NGLY1: variants seen among roughly 807,000 people sequenced by gnomAD.
The protein encoded by NGLY1 is N-glycanase 1, also known as peptide-N(4)-(N-acetyl-beta-glucosaminyl)asparagine amidase.
Under a neutral mutation model 84.6 loss-of-function variants are expected in NGLY1, and 68 were observed. That is an observed-to-expected ratio of 0.80 (90% CI 0.66 to 0.98). The LOEUF (loss-of-function observed/expected upper bound fraction) is 0.98, where lower values mean the gene tolerates loss of function less well. Ranked by LOEUF, NGLY1 falls within the 50% of genes least tolerant of loss-of-function variation. NGLY1 has a pLI of 0.00. For synonymous variants in NGLY1, 280 were observed against 275.2 expected (o/e 1.02, Z -0.17); for missense variants, 779 against 770.2 (o/e 1.01, Z -0.14).
rs376008228 is a variant in NGLY1 at position 25,783,433 on chromosome 3, C to A, written c.-43G>T. ...CGCCGCCGCCGCCCCTCGCTCTCCG[C>A]GTCCCACACTGAGCAGGCGCCTCAG... On this transcript the variant is annotated 5_prime_UTR_variant, in exon 1 of 12. Transcript: ENST00000280700. The surrounding 1 kb of genome is among the most constrained non-coding windows in gnomAD (Gnocchi z 4.5). 1 of 1,498,484 alleles carries A rather than the reference C, an allele frequency of 6.7e-7. No homozygotes were observed. Among genetic ancestry groups the A allele is most frequent in the African/African-American group, 1.5e-5 (1 of 67,132 alleles). 92.8% of individuals were successfully genotyped at this position (1,498,484 alleles called of 1,614,324 possible). A position where few individuals can be genotyped will look rare whatever the true frequency, so the allele number is the denominator to read the frequency against.
chr3:25,747,028 G>T (rs1706471865), intron 4 of NGLY1, among the ~76,000 whole-genome samples: 2 of 152,094 alleles, frequency 1.3e-5, no homozygotes, highest in Non-Finnish European at 2.9e-5. Context: ...TACAGACGGG[G>T]TTTCACCATG....
intron 11 of NGLY1, 30 bp from the exon 12 acceptor site, chr3:25,719,665 T>C (rs1315869847): frequency 6.3e-7 from 1 of 1,578,588 alleles, no homozygotes; most frequent in East Asian, 2.2e-5. Context: ...AATTAACATT[T>C]TGCTTTTGGT....
chr3:25,737,346 A>G lies in NGLY1; in HGVS notation c.991T>C (p.Trp331Arg). ...CCACATTCTGTACCTGTGTAATCCC[A>G]AACATAGCGAGCTTCAAACCCTACA... is the stretch of plus-strand genomic sequence containing the variant. Reference protein sequence around the residue: ...RAVGFEARYVWDYTDHVWTEV... With the variant: ...RAVGFEARYVRDYTDHVWTEV... Residue 331 changes from tryptophan to arginine, a missense_variant, in exon 6 of 12, where the codon TGG becomes CGG. Physicochemically the swap from Trp to Arg is moderately radical, Grantham distance 101. Transcript: ENST00000280700. The G allele has an allele frequency of 6.2e-7, 1 of 1,612,170 alleles. No individual in the cohort carries two copies. The highest frequency in any genetic ancestry group is 8.5e-7 in the Non-Finnish European group (1 of 1,179,474).
chr3:25,787,564 AT>A (rs1409076697), upstream of NGLY1, among the ~76,000 whole-genome samples: 1 of 152,172 alleles, frequency 6.6e-6, no homozygotes, highest in Non-Finnish European at 1.5e-5. Flanking sequence ...TAAGTTAAAT[AT>A]TTTAAGTGGC....
intron 4 of NGLY1, among the ~76,000 whole-genome samples, chr3:25,740,462 G>C (rs1706078944): frequency 6.6e-6 from 1 of 152,106 alleles, no homozygotes; most frequent in South Asian, 2.1e-4. Context: ...TGGCAAGAAG[G>C]GAAGGAGAGG....
intron 10 of NGLY1, 49 bp from the exon 11 acceptor site, chr3:25,720,240 T>C (rs780285077): frequency 9.5e-6 from 14 of 1,478,600 alleles, no homozygotes; most frequent in Non-Finnish European, 1.2e-5. Context: ...AAAAATGAAA[T>C]AGTATAGAAA....
chr3:25,761,508 T>C (rs1243504734), intron 3 of NGLY1, among the ~76,000 whole-genome samples: 4 of 152,146 alleles, frequency 2.6e-5, no homozygotes, highest in Admixed American at 6.5e-5. Context: ...AAAACCAAAA[T>C]GAACTACTAC....
At chr3:25,768,174 G>A (rs1241864162) in intron 2 of NGLY1, among the ~76,000 whole-genome samples, 4 of 143,614 alleles carry the variant, frequency 2.8e-5, no homozygotes, top group African/African-American at 1.0e-4. Flanking sequence ...TGTAATCCCA[G>A]AACTTTGGGA....
At chr3:25,771,199 T>C (rs1255266506) in intron 2 of NGLY1, among the ~76,000 whole-genome samples, 4 of 152,230 alleles carry the variant, frequency 2.6e-5, no homozygotes. Flanking sequence ...AAGTCTTTCA[T>C]ACAGCTCCAG....
upstream of NGLY1, among the ~76,000 whole-genome samples, chr3:25,786,777 A>G (rs1187414851): frequency 6.6e-6 from 1 of 152,258 alleles, no homozygotes; most frequent in African/African-American, 2.4e-5. Flanking sequence ...TGGACTGTAC[A>G]TTGTTATCAC....
chr3:25,724,557 G>C (rs1164988649), intron 10 of NGLY1, among the ~76,000 whole-genome samples: 1 of 152,042 alleles, frequency 6.6e-6, no homozygotes, highest in Non-Finnish European at 1.5e-5. Flanking sequence ...ATTTGTAATA[G>C]GAAACTTTCA....
chr3:25,788,629 T>A (rs1471983), intron 1 of NGLY1, among the ~76,000 whole-genome samples: 124,165 of 152,188 alleles, frequency 0.82, 51,070 homozygotes, highest in East Asian at 0.94. Context: ...TGTATGTTTC[T>A]TATGAGTTCA....
At chr3:25,751,492 G>A (rs1706751504) in intron 3 of NGLY1, among the ~76,000 whole-genome samples, 2 of 152,062 alleles carry the variant, frequency 1.3e-5, no homozygotes. Flanking sequence ...ATACTATTAA[G>A]GATATATTTA....
At chr3:25,721,851 C>T (rs953937044) in intron 10 of NGLY1, among the ~76,000 whole-genome samples, 3 of 151,252 alleles carry the variant, frequency 2.0e-5, no homozygotes, top group African/African-American at 7.3e-5. Context: ...TACTATACTC[C>T]TTTATACTGC....
chr3:25,749,434 T>G, intron 4 of NGLY1: 1 of 999,442 alleles, frequency 1.0e-6, no homozygotes, highest in Non-Finnish European at 1.6e-6. Context: ...GGAAGGAAGC[T>G]CTCTCCTCCT....
intron 4 of NGLY1, among the ~76,000 whole-genome samples, chr3:25,750,548 ATGG>A (rs1481714393): frequency 6.6e-6 from 1 of 152,210 alleles, no homozygotes; most frequent in African/African-American, 2.4e-5. Flanking sequence ...AAAGCTATAG[ATGG>A]TGGTAATGGC....
chr3:25,726,413 T>C (rs1016924495), intron 10 of NGLY1, among the ~76,000 whole-genome samples: 2 of 152,202 alleles, frequency 1.3e-5, no homozygotes, highest in Non-Finnish European at 2.9e-5. Context: ...TTCTATTTGT[T>C]GAATACATGT....
chr3:25,727,062 A>AGCTCTG (rs1705301979), intron 10 of NGLY1, among the ~76,000 whole-genome samples: 1 of 152,224 alleles, frequency 6.6e-6, no homozygotes, highest in Non-Finnish European at 1.5e-5. Flanking sequence ...TAGGTTTACT[A>AGCTCTG]TTCAACAGAG....
At chr3:25,749,942 G>T (rs1706641779) in intron 4 of NGLY1, 4 of 404,750 alleles carry the variant, frequency 9.9e-6, no homozygotes, top group East Asian at 7.8e-5. Flanking sequence ...TGTAAAAACT[G>T]CCAAAAAAAA....
Sources: gnomAD v4.1 joint callset for allele counts (sites outside exome capture counted in the v4.1 genomes callset) on GRCh38, gnomAD v4.1.1 for gene constraint, Gnocchi (gnomAD v3.1) non-coding constraint, MANE v1.5 for transcripts, NCBI Gene and HGNC (gene_info 2026-07-23, HGNC 2026-07-21) for gene names.